The following PRRC2C variants were observed in gnomAD, a reference collection of about 807,000 sequenced individuals.
PRRC2C encodes the protein protein PRRC2C.
A neutral mutation model predicts 317.2 loss-of-function variants in PRRC2C; 72 were observed. That is an observed-to-expected ratio of 0.23 (90% CI 0.19 to 0.28). PRRC2C has a LOEUF of 0.28. Ranked by LOEUF, PRRC2C falls within the 10% of genes least tolerant of loss-of-function variation. The pLI, the probability that PRRC2C is intolerant of heterozygous loss-of-function variation, is 1.00. For synonymous variants in PRRC2C, 1,296 were observed against 1,205.9 expected (o/e 1.07, Z -1.55); for missense variants, 3,074 against 3,459.7 (o/e 0.89, Z 2.80).
chr1:171,509,844 C>CTTTTTTTT (rs11363110), intron 1 of PRRC2C: 293 of 59,768 alleles, frequency 4.9e-3, no homozygotes, highest in East Asian at 6.2e-3. Flanking sequence ...AACATTGTTT[C>CTTTTTTTT]TTTTTTTTTT....
chr1:171,576,358 A>C (rs889657871), intron 25 of PRRC2C, among the ~76,000 whole-genome samples: 4 of 152,214 alleles, frequency 2.6e-5, no homozygotes, highest in African/African-American at 9.6e-5. Flanking sequence ...TTTTTTAACA[A>C]GGCCCTTATT....
chr1:171,513,953 G>A (rs1292232806), intron 3 of PRRC2C, among the ~76,000 whole-genome samples: 1 of 152,190 alleles, frequency 6.6e-6, no homozygotes, highest in East Asian at 1.9e-4. Context: ...CATTTTGTGA[G>A]CCTCTTAACT....
chr1:171,558,222 CT>C, intron 19 of PRRC2C, 79 bp downstream of exon 19: 3 of 1,404,650 alleles, frequency 2.1e-6, no homozygotes, highest in Non-Finnish European at 2.8e-6. Context: ...TTTATATACT[CT>C]TTAAGTGTTT....
intron 16 of PRRC2C, among the ~76,000 whole-genome samples, chr1:171,544,184 G>T (rs922619458): frequency 2.6e-5 from 4 of 151,984 alleles, no homozygotes; most frequent in Non-Finnish European, 5.9e-5. Context: ...GTGCAGTGGC[G>T]CAATCTCTGC....
intron 18 of PRRC2C, among the ~76,000 whole-genome samples, chr1:171,555,998 T>A (rs1000915270): frequency 1.3e-5 from 2 of 152,204 alleles, no homozygotes; most frequent in African/African-American, 4.8e-5. Context: ...TTCTGCTGCC[T>A]TTTGTTCAGC....
rs1335068279 is a variant in PRRC2C at position 171,577,779 on chromosome 1, T to TAA, written c.7159+142_7159+143insAA. ...TAAATATTTAAATTCGCATTTTTTTTTTTTTTTTTTTTTTTTGAGATGGTG... is the reference window on the plus strand; with the variant it reads ...TAAATATTTAAATTCGCATTTTTTTTAATTTTTTTTTTTTTTTTGAGATGGTG... On this transcript the variant is annotated intron_variant, in intron 26 of 34. Transcript: ENST00000647382. 92 of 773,182 alleles carry TAA rather than the reference T, an allele frequency of 1.2e-4. 2 individuals are homozygous for TAA. Among genetic ancestry groups the TAA allele is most frequent in the Non-Finnish European group, 1.5e-4 (77 of 514,008 alleles). 47.9% of individuals were successfully genotyped at this position (773,182 alleles called of 1,614,324 possible).
At chr1:171,486,426 T>TA (rs1666121163) in intron 1 of PRRC2C, among the ~76,000 whole-genome samples, 1 of 152,026 alleles carries the variant, frequency 6.6e-6, no homozygotes, top group African/African-American at 2.4e-5. Context: ...ATAGCGTTGA[T>TA]ATTGGTGGTG....
intron 19 of PRRC2C, 145 bp from the exon 20 acceptor site, chr1:171,560,873 C>G: frequency 1.4e-6 from 1 of 721,494 alleles, no homozygotes; most frequent in South Asian, 1.6e-5. Flanking sequence ...ACATAATAAT[C>G]TTTGTAAGTC....
rs558689251 is a variant in PRRC2C, at chr1:171,580,927, A to T, written c.7409+963A>T. 6.6e-5 allele frequency among the ~76,000 whole-genome samples: 10 copies of T among 152,364 alleles called. No homozygotes were observed. In the East Asian group the frequency reaches 1.9e-3, roughly 29 times the overall value. On this transcript the variant is annotated intron_variant, in intron 28 of 34. Coordinates refer to ENST00000647382, the MANE Select transcript of PRRC2C (RefSeq NM_001387844.1). Reference sequence around the variant, plus strand: ...ATAGAATTTCTATACTTTATAGATTAAACCTGTCATCAGTTAATACAGTAT... The same window carrying T: ...ATAGAATTTCTATACTTTATAGATTTAACCTGTCATCAGTTAATACAGTAT...
Position 171,589,497 on chromosome 1 carries a change from C to T in PRRC2C, c.8328C>T (p.Leu2776=). Residue 2776 remains leucine, a synonymous_variant, in exon 34 of 35, where the codon CTC becomes CTT. Transcript: ENST00000647382. Reference sequence around the variant, plus strand: ...TGCCTCCTCCGCTGACCACAGGCCTCATGAGCCATGCTCGTTTGCCACATG... The same window carrying T: ...TGCCTCCTCCGCTGACCACAGGCCTTATGAGCCATGCTCGTTTGCCACATG... The part of the protein sequence containing the change: ...SQMPPPLTTG[L]MSHARLPHVA... 7.8e-7 allele frequency: 1 copy of T among 1,289,820 alleles called. No individual in the cohort carries two copies. The highest frequency in any genetic ancestry group is 1.2e-5 in the South Asian group (1 of 81,026). 79.9% of individuals were successfully genotyped at this position (1,289,820 alleles called of 1,614,324 possible).
chr1:171,515,816 A>G lies in PRRC2C; in HGVS notation c.483A>G (p.Thr161=). 1 of 1,612,614 alleles carries G rather than the reference A, an allele frequency of 6.2e-7. No homozygotes were observed. The highest frequency in any genetic ancestry group is 1.3e-5 in the African/African-American group (1 of 74,992). ...ATCAGGAAAAAAAAGAAAAGGAAAC[A>G]AATGATGACAACTATGGACCTGGAC... ...AGDQEKKEKE[T]NDDNYGPGPS... is the part of the protein sequence containing the mutation. The change falls in exon 5 of 35, where the codon ACA becomes ACG. Residue 161 remains threonine, a synonymous_variant. Transcript: ENST00000647382.
intron 1 of PRRC2C, among the ~76,000 whole-genome samples, chr1:171,505,907 G>A (rs1013822275): frequency 1.3e-5 from 2 of 152,088 alleles, no homozygotes; most frequent in African/African-American, 4.8e-5. Flanking sequence ...GACATGTTTC[G>A]ATATACAAAT....
intron 2 of PRRC2C, 25 bp downstream of exon 2, chr1:171,512,225 T>G: frequency 1.4e-6 from 2 of 1,443,528 alleles, no homozygotes; most frequent in Non-Finnish European, 1.9e-6. Context: ...GTGACACTTA[T>G]GTTTTTCATG....
intron 6 of PRRC2C, among the ~76,000 whole-genome samples, chr1:171,519,423 G>T (rs892437964): frequency 5.9e-5 from 9 of 152,092 alleles, no homozygotes; most frequent in African/African-American, 2.2e-4. Flanking sequence ...TAAGAATCTT[G>T]TTACCTATAG....
intron 19 of PRRC2C, among the ~76,000 whole-genome samples, chr1:171,560,484 T>C (rs1415506899): frequency 6.6e-6 from 1 of 152,222 alleles, no homozygotes; most frequent in African/African-American, 2.4e-5. Context: ...AATAGTCAGT[T>C]GATGTTACAG....
At chr1:171,504,327 G>T (rs775522894) in intron 1 of PRRC2C, among the ~76,000 whole-genome samples, 19 of 151,806 alleles carry the variant, frequency 1.3e-4, no homozygotes, top group Non-Finnish European at 2.4e-4. Context: ...TGTGCTTTTG[G>T]TGTTATATCT....
intron 1 of PRRC2C, among the ~76,000 whole-genome samples, chr1:171,486,841 C>T (rs1396180267): frequency 6.6e-6 from 1 of 152,166 alleles, no homozygotes; most frequent in Non-Finnish European, 1.5e-5. Context: ...CTAACCCCAC[C>T]ATTTTTCAAA....
chr1:171,496,632 A>T (rs1412738037), intron 1 of PRRC2C, among the ~76,000 whole-genome samples: 2 of 152,218 alleles, frequency 1.3e-5, no homozygotes, highest in Non-Finnish European at 2.9e-5. Flanking sequence ...ACATAGGCAC[A>T]CACATGCACT....
In PRRC2C at chr1:171,593,144, T is replaced by A. The variant is rs1477129181; in HGVS notation, c.*1297T>A. ...TTTTTACCTTTTTCCCCCCTTTTTT[T>A]TAAATGGAGTGTGCTGGATGTCTCT... is the stretch of plus-strand genomic sequence containing the variant. On this transcript the variant is annotated 3_prime_UTR_variant, in exon 35 of 35. Transcript: ENST00000647382. 6.6e-6 allele frequency: 1 copy of A among 151,642 alleles called. No individual in the cohort carries two copies. Among genetic ancestry groups the A allele is most frequent in the East Asian group, 1.9e-4 (1 of 5,190 alleles). The allele number at this position is 151,642 out of a possible 1,614,324, so 9.4% of individuals were successfully genotyped here.
Sources: gnomAD v4.1 joint callset for allele counts (sites outside exome capture counted in the v4.1 genomes callset) on GRCh38, gnomAD v4.1.1 for gene constraint, MANE v1.5 for transcripts, NCBI Gene and HGNC (gene_info 2026-07-23, HGNC 2026-07-21) for gene names.